Variants in PLIN3 observed in about 807,000 individuals in gnomAD.
PLIN3 encodes the protein perilipin-3.
PLIN3 carries 30 observed loss-of-function variants against 35.9 expected under a neutral mutation model. The ratio of observed to expected loss-of-function variants is 0.84; its 90% CI spans 0.62 to 1.13. The LOEUF is 1.13. Among genes scored for constraint, PLIN3 ranks in the 50% most tolerant of loss-of-function variants. The probability of loss-of-function intolerance (pLI) is 0.00; values close to 1 mark genes in which losing one functional copy is unlikely to be tolerated. For missense variants in PLIN3, 603 were observed against 596.9 expected, an observed-to-expected ratio of 1.01 and a Z score of -0.11; for synonymous variants, 261 against 262.5, an observed-to-expected ratio of 0.99 and a Z score of 0.06.
At chr19:4,847,655 C>A in intron 6 of PLIN3, 36 bp downstream of exon 6, 3 of 1,538,988 alleles carry the variant, frequency 1.9e-6, no homozygotes, top group Non-Finnish European at 2.6e-6. Context: ...GGGGTGAAGG[C>A]TGCTGGCTCA....
At chr19:4,855,249 G>GAAAAAAAAAAAAAAA (rs377681525) in intron 4 of PLIN3, among the ~76,000 whole-genome samples, 4 of 36,408 alleles carry the variant, frequency 1.1e-4, no homozygotes, top group African/African-American at 3.8e-4. Context: ...GACTCCATCT[G>GAAAAAAAAAAAAAAA]AAAAAAAAAA....
At chr19:4,842,599 CAA>C (rs11383489) in intron 7 of PLIN3, among the ~76,000 whole-genome samples, 180 of 46,902 alleles carry the variant, frequency 3.8e-3, no homozygotes, top group African/African-American at 0.016. Flanking sequence ...GACTCTATCT[CAA>C]AAAAAAAAAA....
At chr19:4,839,587 C>A in intron 7 of PLIN3, 51 bp from the exon 8 acceptor site, 1 of 1,368,210 alleles carries the variant, frequency 7.3e-7, no homozygotes, top group Non-Finnish European at 9.7e-7. Context: ...TCAGGAAAGG[C>A]GATCGGAGCT....
chr19:4,851,918 C>T (rs772737774), intron 5 of PLIN3, 98 bp downstream of exon 5: 156 of 1,272,530 alleles, frequency 1.2e-4, no homozygotes, highest in Non-Finnish European at 1.5e-4. Flanking sequence ...AGGGACGAGG[C>T]GGCAGTGAGT....
rs887708620 is a variant in PLIN3 at position 4,860,471 on chromosome 19, G to A, written c.67-447C>T. Among the ~76,000 whole-genome samples the A allele has an allele frequency of 5.9e-5, 9 of 151,922 alleles. No homozygotes were observed. In the South Asian group the frequency reaches 1.7e-3, roughly 28 times the overall value. ...GCCCACCTCAGCCTCCCAAAGTGCT[G>A]GGATTACAGGCGTGAGCCACCGCAC... On this transcript the variant is annotated intron_variant, in intron 2 of 7. Transcript: ENST00000221957.
chr19:4,857,397 T>A (rs1245410348), intron 4 of PLIN3, among the ~76,000 whole-genome samples: 1 of 151,398 alleles, frequency 6.6e-6, no homozygotes, highest in Non-Finnish European at 1.5e-5. Context: ...TGGTGAAAAC[T>A]CGTCTCTACA....
intron 5 of PLIN3, among the ~76,000 whole-genome samples, chr19:4,850,851 T>C (rs968687244): frequency 1.1e-4 from 16 of 151,788 alleles, no homozygotes; most frequent in Non-Finnish European, 1.9e-4. Context: ...GATTACAGGC[T>C]GAGCCACCGC....
chr19:4,850,446 C>G (rs1346025598), intron 5 of PLIN3, among the ~76,000 whole-genome samples: 1 of 151,150 alleles, frequency 6.6e-6, no homozygotes, highest in Non-Finnish European at 1.5e-5. Context: ...TTTGAGACGG[C>G]GTCTAGCTCT....
Position 4,844,773 on chromosome 19 carries a change from G to A in PLIN3, c.855C>T (p.Gly285=), listed in dbSNP as rs34558416. 4.0e-4 allele frequency: 640 copies of A among 1,600,938 alleles called. 4 individuals carry two copies. In the African/African-American group the frequency reaches 7.0e-3, roughly 17 times the overall value. ...GGCCTTCCACCAGCTTCTGATCAAC[G>A]CCTTGCTTGACAGTTTCCATCTGGG... ...VLSLMETVKQ[G]VDQKLVEGQE... is the part of the protein sequence containing the mutation. Residue 285 remains glycine, a synonymous_variant, in exon 7 of 8, where the codon GGC becomes GGT. Transcript: ENST00000221957.
At chr19:4,857,853 G>A (rs2030524212) in intron 4 of PLIN3, among the ~76,000 whole-genome samples, 2 of 151,988 alleles carry the variant, frequency 1.3e-5, no homozygotes, top group South Asian at 2.1e-4. Flanking sequence ...GCACATGTCT[G>A]TAATCCCAGC....
chr19:4,849,067 C>T (rs1182401995), intron 5 of PLIN3, among the ~76,000 whole-genome samples: 1 of 151,142 alleles, frequency 6.6e-6, no homozygotes. Flanking sequence ...CAGCTTCAAG[C>T]TATCCTTCAA....
At chr19:4,842,319 C>A (rs1046743114) in intron 7 of PLIN3, among the ~76,000 whole-genome samples, 1 of 151,940 alleles carries the variant, frequency 6.6e-6, no homozygotes, top group Non-Finnish European at 1.5e-5. Flanking sequence ...ATCCCAGCTA[C>A]TTGGGAGACT....
intron 4 of PLIN3, among the ~76,000 whole-genome samples, chr19:4,853,237 G>A (rs952996911): frequency 1.3e-5 from 2 of 151,898 alleles, no homozygotes. Flanking sequence ...GGGCTCAAGT[G>A]AGCCTCCCAC....
At chr19:4,864,398 C>G (rs2030780070) in intron 1 of PLIN3, among the ~76,000 whole-genome samples, 1 of 151,772 alleles carries the variant, frequency 6.6e-6, no homozygotes, top group Non-Finnish European at 1.5e-5. Flanking sequence ...ATCCACCCGC[C>G]TCAGCCTCCC....
At chr19:4,847,439 C>T (rs895354686) in intron 6 of PLIN3, among the ~76,000 whole-genome samples, 3 of 152,100 alleles carry the variant, frequency 2.0e-5, no homozygotes, top group Non-Finnish European at 4.4e-5. Flanking sequence ...ATGCGATCCT[C>T]CTGCCTTGGG....
intron 6 of PLIN3, among the ~76,000 whole-genome samples, chr19:4,846,609 G>C (rs1224998422): frequency 6.6e-6 from 1 of 151,982 alleles, no homozygotes; most frequent in Non-Finnish European, 1.5e-5. Context: ...GGAGGCCCAA[G>C]AATCACTTGA....
rs574334481 is a variant in PLIN3, at chr19:4,850,478, T to A, written c.634+1538A>T. 2.6e-5 allele frequency among the ~76,000 whole-genome samples: 4 copies of A among 151,614 alleles called. No homozygotes were observed. The Admixed American group carries it at 2.6e-4, about 10-fold the overall frequency. ...CTCTATTGCCCAGGCTGGAGTGGAG[T>A]GGCATGATCTCGGCTCACTGCAAGC... On this transcript the variant is annotated intron_variant, in intron 5 of 7. Transcript: ENST00000221957.
chr19:4,859,991 G>A lies in PLIN3; in HGVS notation c.100C>T (p.Leu34=). The change falls in exon 3 of 8, where the codon CTG becomes TTG. Residue 34 remains leucine, a synonymous_variant. Coordinates refer to ENST00000221957, the MANE Select transcript of PLIN3 (RefSeq NM_005817.5). ...ACCATGTCGCAGGTGGAGCTGATCA[G>A]AGGCATGCTGGCCACACGGTCCACC... ...SVVDRVASMP[L]ISSTCDMVSA... 1 of 1,614,110 alleles carries A rather than the reference G, an allele frequency of 6.2e-7. No homozygotes were observed. The highest frequency in any genetic ancestry group is 1.1e-5 in the South Asian group (1 of 91,082).
intron 1 of PLIN3, among the ~76,000 whole-genome samples, chr19:4,864,451 G>GTTT (rs749341058): frequency 2.3e-5 from 3 of 127,944 alleles, no homozygotes. Context: ...CTCAGCCGTG[G>GTTT]TTTGTTTTTT....
Sources: allele counts gnomAD v4.1 joint callset (sites outside exome capture counted in the v4.1 genomes callset), GRCh38; gene constraint gnomAD v4.1.1; transcripts MANE v1.5; gene names NCBI Gene and HGNC (gene_info 2026-07-23, HGNC 2026-07-21).